ANKRD33B: variants seen among roughly 807,000 people sequenced by gnomAD.
The protein encoded by ANKRD33B is ankyrin repeat domain-containing protein 33B.
ANKRD33B carries 6 observed loss-of-function variants against 21.5 expected under a neutral mutation model. That is an observed-to-expected ratio of 0.28 (90% confidence interval 0.15 to 0.55). The LOEUF (loss-of-function observed/expected upper bound fraction) is 0.55. Among genes scored for constraint, ANKRD33B ranks in the 20% least tolerant of loss-of-function variants. The probability of loss-of-function intolerance (pLI) is 0.94; values close to 1 mark genes in which losing one functional copy is unlikely to be tolerated. For missense variants in ANKRD33B, 698 were observed against 747.2 expected (o/e 0.93, Z 0.77); for synonymous variants, 347 against 342.4 (o/e 1.01, Z -0.15).
chr5:10,565,627 T>TAGAAA (rs758213236), intron 1 of ANKRD33B, among the ~76,000 whole-genome samples: 32 of 152,208 alleles, frequency 2.1e-4, no homozygotes, highest in South Asian at 8.3e-4. Context: ...ACGAGATGTT[T>TAGAAA]AGAAAAGAAA....
intron 2 of ANKRD33B, among the ~76,000 whole-genome samples, chr5:10,634,338 G>C (rs1249820881): frequency 8.3e-6 from 1 of 120,844 alleles, no homozygotes; most frequent in African/African-American, 2.8e-5. Flanking sequence ...GGGCTTATTG[G>C]TGGAGAGGGG....
chr5:10,575,552 G>A (rs148517110), intron 1 of ANKRD33B, among the ~76,000 whole-genome samples: 5 of 152,184 alleles, frequency 3.3e-5, no homozygotes, highest in East Asian at 1.9e-4. Context: ...TAAATATGAC[G>A]GGCAGAGTCC....
intron 2 of ANKRD33B, among the ~76,000 whole-genome samples, chr5:10,626,470 G>A (rs567245349): frequency 6.6e-6 from 1 of 152,338 alleles, no homozygotes; most frequent in Admixed American, 6.5e-5. Flanking sequence ...GTTTTCAGTT[G>A]TATTTCCCCA....
At chr5:10,569,152 C>T (rs1305940130) in intron 1 of ANKRD33B, among the ~76,000 whole-genome samples, 2 of 152,128 alleles carry the variant, frequency 1.3e-5, no homozygotes, top group Non-Finnish European at 2.9e-5. Context: ...TACCAGGCCT[C>T]GGTGCTCATG....
chr5:10,637,478 GGGT>G (rs937404426), intron 2 of ANKRD33B, among the ~76,000 whole-genome samples: 1 of 142,976 alleles, frequency 7.0e-6, no homozygotes, highest in African/African-American at 2.8e-5. Context: ...GCGGGGGGAG[GGGT>G]GGTGGTGGGT....
At chr5:10,639,629 G>C (rs1390583893) in intron 3 of ANKRD33B, among the ~76,000 whole-genome samples, 3 of 52,118 alleles carry the variant, frequency 5.8e-5, no homozygotes, top group Admixed American at 1.6e-4. Context: ...CGATGTTAGC[G>C]GGTGACGCGG....
chr5:10,636,946 A>C (rs2126598931), intron 2 of ANKRD33B, among the ~76,000 whole-genome samples: 1 of 152,276 alleles, frequency 6.6e-6, no homozygotes, highest in South Asian at 2.1e-4. Context: ...GGTGGTTGCT[A>C]CTGGCATCTA....
intron 3 of ANKRD33B, among the ~76,000 whole-genome samples, chr5:10,642,667 C>T (rs1221052186): frequency 1.3e-5 from 2 of 152,318 alleles, no homozygotes; most frequent in Middle Eastern, 3.4e-3. Context: ...CGGGTGCATG[C>T]TGGGCTTGGA....
chr5:10,638,267 A>G (rs1560984282), intron 3 of ANKRD33B, 99 bp downstream of exon 3: 32 of 1,363,386 alleles, frequency 2.3e-5, no homozygotes, highest in Non-Finnish European at 2.9e-5. Context: ...CATAGAAACA[A>G]TGCCTAGTTG....
chr5:10,640,525 G>A (rs934927370), intron 3 of ANKRD33B, among the ~76,000 whole-genome samples: 1 of 152,182 alleles, frequency 6.6e-6, no homozygotes, highest in East Asian at 1.9e-4. Context: ...ACCTCATCGG[G>A]TTATTTTGAG....
rs76188353 is a variant in ANKRD33B at position 10,606,223 on chromosome 5, G to T, written c.367-12110G>T. On this transcript the variant is annotated intron_variant, in intron 1 of 3. Coordinates refer to ENST00000296657, the MANE Select transcript of ANKRD33B (RefSeq NM_001164440.2). Reference sequence around the variant, plus strand: ...GGTTTGCAGTGATAATAAGATTTACGTTTTATGCAAAATTTAGTCTAAAGG... The same window carrying T: ...GGTTTGCAGTGATAATAAGATTTACTTTTTATGCAAAATTTAGTCTAAAGG... Among the ~76,000 whole-genome samples the T allele has an allele frequency of 5.5e-3, 835 of 152,218 alleles. 3 individuals are homozygous for T. The highest frequency in any genetic ancestry group is 0.02 in the Middle Eastern group (6 of 294).
chr5:10,646,438 A>G (rs1482935527), intron 3 of ANKRD33B, among the ~76,000 whole-genome samples: 2 of 152,226 alleles, frequency 1.3e-5, no homozygotes, highest in Non-Finnish European at 2.9e-5. Flanking sequence ...CCTAATTTAT[A>G]GCATGACTCT....
At chr5:10,617,051 A>C (rs918947222) in intron 1 of ANKRD33B, among the ~76,000 whole-genome samples, 1 of 152,158 alleles carries the variant, frequency 6.6e-6, no homozygotes, top group African/African-American at 2.4e-5. Flanking sequence ...GGCACAAGAG[A>C]GCTCTTGAGG....
At chr5:10,586,309 A>G (rs1735558807) in intron 1 of ANKRD33B, among the ~76,000 whole-genome samples, 2 of 152,182 alleles carry the variant, frequency 1.3e-5, no homozygotes, top group South Asian at 2.1e-4. Context: ...AAATCTACCT[A>G]TAAGTGTACT....
intron 1 of ANKRD33B, among the ~76,000 whole-genome samples, chr5:10,617,908 G>A (rs1290021324): frequency 6.6e-6 from 1 of 152,014 alleles, no homozygotes; most frequent in Non-Finnish European, 1.5e-5. Context: ...TTTCACACAC[G>A]GACCCCAACA....
chr5:10,592,244 A>G (rs1735711010), intron 1 of ANKRD33B, among the ~76,000 whole-genome samples: 1 of 152,090 alleles, frequency 6.6e-6, no homozygotes, highest in Non-Finnish European at 1.5e-5. Context: ...AATTTGTGGG[A>G]AAACTTTATT....
chr5:10,657,128 T>C lies in ANKRD33B; in HGVS notation c.*7015T>C, dbSNP rs536300803. ...AAGCTGATTTAGAACTACACAGCTATGGATACACCTGATGAAAACCGCAAA... is the reference window on the plus strand; with the variant it reads ...AAGCTGATTTAGAACTACACAGCTACGGATACACCTGATGAAAACCGCAAA... On this transcript the variant is annotated 3_prime_UTR_variant, in exon 4 of 4. Transcript: ENST00000296657. 3.9e-5 allele frequency: 6 copies of C among 152,396 alleles called. No individual in the cohort carries two copies. Among genetic ancestry groups the C allele is most frequent in the Non-Finnish European group, 5.9e-5 (4 of 68,052 alleles). The allele number at this position is 152,396 out of a possible 1,614,324, so 9.4% of individuals were successfully genotyped here.
intron 1 of ANKRD33B, among the ~76,000 whole-genome samples, chr5:10,571,892 C>T (rs918904834): frequency 2.1e-5 from 3 of 144,290 alleles, no homozygotes; most frequent in African/African-American, 7.7e-5. Flanking sequence ...TTTCTTTTTT[C>T]TTTTTTTTTT....
intron 2 of ANKRD33B, among the ~76,000 whole-genome samples, chr5:10,636,328 G>A (rs751956889): frequency 6.6e-6 from 1 of 152,212 alleles, no homozygotes; most frequent in Non-Finnish European, 1.5e-5. Flanking sequence ...AATGGGGACT[G>A]TGGCCAGACA....
Sources: gnomAD v4.1 joint callset for allele counts (sites outside exome capture counted in the v4.1 genomes callset) on GRCh38, gnomAD v4.1.1 for gene constraint, MANE v1.5 for transcripts, NCBI Gene and HGNC (gene_info 2026-07-23, HGNC 2026-07-21) for gene names.